Variants in ADAMTSL3 observed in about 807,000 individuals in gnomAD.
The protein encoded by ADAMTSL3 is ADAMTS like 3.
ADAMTSL3 carries 128 observed loss-of-function variants against 201.7 expected under a neutral mutation model. That is an observed-to-expected ratio of 0.63 (90% CI 0.55 to 0.73). The LOEUF (loss-of-function observed/expected upper bound fraction) is 0.73. Ranked by LOEUF, ADAMTSL3 falls within the 30% of genes least tolerant of loss-of-function variation. ADAMTSL3 has a pLI of 0.00. For missense variants in ADAMTSL3, 1,990 were observed against 2,119.6 expected (o/e 0.94, Z 1.20); for synonymous variants, 738 against 748.4 (o/e 0.99, Z 0.23).
chr15:83,927,422 C>G (rs1458189858), intron 17 of ADAMTSL3, among the ~76,000 whole-genome samples: 1 of 152,108 alleles, frequency 6.6e-6, no homozygotes, highest in Admixed American at 6.6e-5. Context: ...CCCATGAATC[C>G]TTTTCTATGT....
chr15:84,028,348 C>A (rs1473295723), intron 27 of ADAMTSL3, among the ~76,000 whole-genome samples: 1 of 152,016 alleles, frequency 6.6e-6, no homozygotes, highest in Non-Finnish European at 1.5e-5. Context: ...GAACATACAC[C>A]AAAATAAATT....
intron 3 of ADAMTSL3, among the ~76,000 whole-genome samples, chr15:83,717,033 G>A (rs1245005986): frequency 6.6e-6 from 1 of 152,078 alleles, no homozygotes; most frequent in Non-Finnish European, 1.5e-5. Flanking sequence ...ATGATATATT[G>A]TAAATATACA....
At chr15:83,878,645 T>G (rs1455783129) in intron 9 of ADAMTSL3, among the ~76,000 whole-genome samples, 1 of 152,118 alleles carries the variant, frequency 6.6e-6, no homozygotes, top group African/African-American at 2.4e-5. Flanking sequence ...TTGTTAATAT[T>G]AATTATTTTA....
intron 2 of ADAMTSL3, among the ~76,000 whole-genome samples, chr15:83,692,148 T>G (rs1314839460): frequency 6.6e-6 from 1 of 152,118 alleles, no homozygotes; most frequent in African/African-American, 2.4e-5. Context: ...TGTAACAGTT[T>G]TTTTTTTCCT....
intron 7 of ADAMTSL3, among the ~76,000 whole-genome samples, chr15:83,854,476 A>G (rs1443715533): frequency 2.0e-5 from 3 of 152,246 alleles, no homozygotes; most frequent in Non-Finnish European, 4.4e-5. Flanking sequence ...GCATCATATC[A>G]GGAAGTTGAT....
chr15:83,939,856 A>G (rs1773775642), intron 17 of ADAMTSL3, among the ~76,000 whole-genome samples: 1 of 152,132 alleles, frequency 6.6e-6, no homozygotes, highest in Non-Finnish European at 1.5e-5. Flanking sequence ...TCCTGACCTC[A>G]GGTGACCTGC....
intron 17 of ADAMTSL3, among the ~76,000 whole-genome samples, chr15:83,926,897 A>G (rs992992492): frequency 7.2e-5 from 11 of 152,184 alleles, no homozygotes; most frequent in Non-Finnish European, 1.6e-4. Flanking sequence ...GATTACAGGC[A>G]TAAGCCACCG....
At chr15:83,976,953 A>G (rs1218271426) in intron 20 of ADAMTSL3, among the ~76,000 whole-genome samples, 5 of 152,106 alleles carry the variant, frequency 3.3e-5, no homozygotes, top group African/African-American at 7.2e-5. Context: ...GGGATGGGAT[A>G]GGGTAGGGGG....
chr15:83,681,665 G>T (rs1020213890), intron 2 of ADAMTSL3, among the ~76,000 whole-genome samples: 1 of 152,186 alleles, frequency 6.6e-6, no homozygotes, highest in Non-Finnish European at 1.5e-5. Context: ...GGCTGTGGAA[G>T]CTGGGGTCAT....
intron 7 of ADAMTSL3, among the ~76,000 whole-genome samples, chr15:83,841,096 C>T (rs56295930): frequency 0.11 from 16,325 of 152,184 alleles, 1,134 homozygotes; most frequent in South Asian, 0.24. Context: ...GCTTCATTGA[C>T]CAGAATTATG....
chr15:83,918,617 C>T (rs1022966669), intron 16 of ADAMTSL3, among the ~76,000 whole-genome samples: 3 of 152,058 alleles, frequency 2.0e-5, no homozygotes, highest in South Asian at 2.1e-4. Context: ...AAGCCAGGCA[C>T]AGTTGGAGTA....
chr15:83,833,005 A>G (rs1360763376), intron 6 of ADAMTSL3, among the ~76,000 whole-genome samples: 1 of 152,162 alleles, frequency 6.6e-6, no homozygotes, highest in Non-Finnish European at 1.5e-5. Context: ...AATTTAGAAT[A>G]AAAATAAAAA....
chr15:83,743,629 T>C (rs967126433), intron 3 of ADAMTSL3, among the ~76,000 whole-genome samples: 2 of 152,164 alleles, frequency 1.3e-5, no homozygotes, highest in African/African-American at 4.8e-5. Flanking sequence ...TTGACATTTT[T>C]GACTGTCTGA....
At chr15:83,707,719 C>T (rs1004631806) in intron 3 of ADAMTSL3, among the ~76,000 whole-genome samples, 3 of 152,198 alleles carry the variant, frequency 2.0e-5, no homozygotes, top group African/African-American at 4.8e-5. Flanking sequence ...ACCACATACT[C>T]GTTTGTGTCT....
intron 23 of ADAMTSL3, among the ~76,000 whole-genome samples, chr15:84,008,200 C>T (rs2067931319): frequency 6.6e-6 from 1 of 152,144 alleles, no homozygotes; most frequent in Non-Finnish European, 1.5e-5. Flanking sequence ...ACCTCTACCT[C>T]CTGGGTTCAA....
At chr15:83,840,777 A>T (rs2064356995) in intron 7 of ADAMTSL3, among the ~76,000 whole-genome samples, 2 of 152,342 alleles carry the variant, frequency 1.3e-5, no homozygotes, top group East Asian at 1.9e-4. Flanking sequence ...TGAGGAATGT[A>T]TCCTACTGGA....
intron 17 of ADAMTSL3, among the ~76,000 whole-genome samples, chr15:83,929,123 G>A (rs1319658967): frequency 6.6e-6 from 1 of 152,180 alleles, no homozygotes; most frequent in Admixed American, 6.5e-5. Flanking sequence ...ATGACTGTGT[G>A]TGCCTCTGCA....
chr15:83,770,751 TGAA>T lies in ADAMTSL3; in HGVS notation c.190-2767_190-2765del, dbSNP rs1233377513. 5.3e-5 allele frequency among the ~76,000 whole-genome samples: 8 copies of T among 152,172 alleles called. 1 individual carries two copies. The highest frequency in any genetic ancestry group is 4.6e-4 in the Admixed American group (7 of 15,264). ...CTGGAATTTATTTTGGTATATTCTATGAAGAAGTTATCTATGATTTTTAAAAAC... is the reference window on the plus strand; with the variant it reads ...CTGGAATTTATTTTGGTATATTCTATGAAGTTATCTATGATTTTTAAAAAC... On this transcript the variant is annotated intron_variant, in intron 3 of 29. Transcript: ENST00000286744.
chr15:83,696,101 G>A (rs1273098558), intron 2 of ADAMTSL3, among the ~76,000 whole-genome samples: 3 of 152,208 alleles, frequency 2.0e-5, no homozygotes, highest in Non-Finnish European at 2.9e-5. Context: ...TGTGGCTGGC[G>A]TTGAGCCTGG....
Sources: allele counts gnomAD v4.1 joint callset (sites outside exome capture counted in the v4.1 genomes callset), GRCh38; gene constraint gnomAD v4.1.1; transcripts MANE v1.5; gene names NCBI Gene and HGNC (gene_info 2026-07-23, HGNC 2026-07-21).